Variants in GOLGA8B observed in about 807,000 individuals in gnomAD.
GOLGA8B encodes golgin A8 family member B.
A neutral mutation model predicts 15.6 loss-of-function variants in GOLGA8B; 1 was observed. The ratio of observed to expected loss-of-function variants is 0.06; its 90% CI spans 0.02 to 0.30. The LOEUF (loss-of-function observed/expected upper bound fraction) is 0.30. GOLGA8B is among the 10% of genes least tolerant of loss of function. The probability of loss-of-function intolerance (pLI) is 1.00; values close to 1 mark genes in which losing one functional copy is unlikely to be tolerated. For missense variants in GOLGA8B, 17 were observed against 201.3 expected (o/e 0.08, Z 5.54); for synonymous variants, 9 against 80.3 (o/e 0.11, Z 4.75).
chr15:34,532,940 AG>A lies in GOLGA8B; in HGVS notation c.190del (p.Leu64CysfsTer15), dbSNP rs757917020. 5.2e-6 allele frequency: 5 copies of A among 955,792 alleles called. No individual in the cohort carries two copies. The highest frequency in any genetic ancestry group is 7.6e-6 in the Non-Finnish European group (5 of 654,290). The allele number at this position is 955,792 out of a possible 1,614,324, so 59.2% of individuals were successfully genotyped here. ...SEASSSASSSLHARQSPCQEQ... is the reference protein window; with the variant it reads ...SEASSSASSSXHARQSPCQEQ... ...TTGGCACGGGCTCTGACGCGCATGC[AG>A]AGAGGAGGAGGCGGAGGAGGACTTG... On this transcript the variant is annotated frameshift_variant, in exon 11 of 24. Transcript: ENST00000683415. LOFTEE classifies it high-confidence loss of function.
At chr15:34,564,063 T>C (rs566091873) in intron 1 of GOLGA8B, among the ~76,000 whole-genome samples, 129 of 137,240 alleles carry the variant, frequency 9.4e-4, no homozygotes, top group Non-Finnish European at 2.7e-4. Context: ...TTGCCCCCCA[T>C]GGGATGTCTG....
At chr15:34,564,572 G>A (rs1194649549) in intron 1 of GOLGA8B, among the ~76,000 whole-genome samples, 3 of 146,604 alleles carry the variant, frequency 2.0e-5, no homozygotes, top group Admixed American at 6.7e-5. Flanking sequence ...GATGTTTTCA[G>A]GCTCTGAAGC....
At chr15:34,559,178 G>A (rs1474812145) in intron 1 of GOLGA8B, among the ~76,000 whole-genome samples, 1 of 146,306 alleles carries the variant, frequency 6.8e-6, no homozygotes, top group Non-Finnish European at 1.5e-5. Flanking sequence ...CAAGTACTGT[G>A]TCATTCCACT....
chr15:34,550,710 G>A lies in GOLGA8B; in HGVS notation c.-575+428C>T, dbSNP rs1340679053. 2.6e-4 allele frequency among the ~76,000 whole-genome samples: 26 copies of A among 100,400 alleles called. 11 individuals are homozygous for A. The highest frequency in any genetic ancestry group is 1.9e-3 in the Admixed American group (16 of 8,476). 65.9% of individuals were successfully genotyped at this position (100,400 alleles called of 152,430 possible). A position where few individuals can be genotyped will look rare whatever the true frequency, so the allele number is the denominator to read the frequency against. Reference sequence around the variant, plus strand: ...ACCTTGGGCAAGAGAACATATGACCGTGGCTAGGGACAGTGGCTCATGCCT... The same window carrying A: ...ACCTTGGGCAAGAGAACATATGACCATGGCTAGGGACAGTGGCTCATGCCT... On this transcript the variant is annotated intron_variant, in intron 4 of 23. Transcript: ENST00000683415.
chr15:34,570,461 C>T (rs563346964), intron 1 of GOLGA8B, among the ~76,000 whole-genome samples: 1,770 of 120,950 alleles, frequency 0.015, 63 homozygotes, highest in African/African-American at 0.048. Flanking sequence ...CAGCGGCTGC[C>T]CTGGGGACTG....
At chr15:34,577,507 TACACACACACACACACACACACACAC>T (rs71119972) in intron 1 of GOLGA8B, among the ~76,000 whole-genome samples, 16 of 125,222 alleles carry the variant, frequency 1.3e-4, no homozygotes, top group African/African-American at 1.8e-4. Context: ...TTATATATCA[TACACACACACACACACACACACACAC>T]ACACACACAC....
At chr15:34,570,324 C>A (rs1242378026) in intron 1 of GOLGA8B, among the ~76,000 whole-genome samples, 1 of 147,016 alleles carries the variant, frequency 6.8e-6, no homozygotes, top group Non-Finnish European at 1.5e-5. Context: ...CATGTGACAG[C>A]CCCTGCCAGA....
At chr15:34,576,450 T>G (rs1437854771) in intron 1 of GOLGA8B, among the ~76,000 whole-genome samples, 1 of 152,130 alleles carries the variant, frequency 6.6e-6, no homozygotes, top group African/African-American at 2.4e-5. Flanking sequence ...CTCTCAAAGC[T>G]TCCAACCCAA....
At position 34,525,152 on chromosome 15, in the gene GOLGA8B, ATAC is replaced by A. The variant is rs542551792; in HGVS notation, c.*2477_*2479del. On this transcript the variant is annotated 3_prime_UTR_variant, in exon 24 of 24. Coordinates refer to ENST00000683415, the MANE Select transcript of GOLGA8B (RefSeq NM_001023567.5). Reference sequence around the variant, plus strand: ...TCTTTTAATAAACACTTGCATAGTTATACTACAATTTTGTGAAAATGAAACAGA... The same window carrying A: ...TCTTTTAATAAACACTTGCATAGTTATACAATTTTGTGAAAATGAAACAGA... The A allele has an allele frequency of 5.2e-3, 780 of 150,078 alleles. 54 individuals are homozygous for A. Among genetic ancestry groups the A allele is most frequent in the Middle Eastern group, 0.02 (6 of 294 alleles). The allele number at this position is 150,078 out of a possible 1,614,324, so 9.3% of individuals were successfully genotyped here.
intron 1 of GOLGA8B, among the ~76,000 whole-genome samples, chr15:34,571,701 G>A (rs961387519): frequency 2.6e-5 from 4 of 151,580 alleles, no homozygotes; most frequent in Non-Finnish European, 5.9e-5. Context: ...TAAAAAAATC[G>A]AGACTATCAA....
rs1233760292 is a variant in GOLGA8B at position 34,526,427 on chromosome 15, T to C, written c.*1205A>G. 6.7e-6 allele frequency: 1 copy of C among 148,956 alleles called. No individual in the cohort carries two copies. The highest frequency in any genetic ancestry group is 1.5e-5 in the Non-Finnish European group (1 of 67,174). 9.2% of individuals were successfully genotyped at this position (148,956 alleles called of 1,614,324 possible). ...AAAGAAGTAAATTCCTATGTCAGAG[T>C]AACCGAGGTGGTTGAAGAATAGGTA... is the stretch of plus-strand genomic sequence containing the variant. On this transcript the variant is annotated 3_prime_UTR_variant, in exon 24 of 24. Coordinates refer to ENST00000683415, the MANE Select transcript of GOLGA8B (RefSeq NM_001023567.5).
chr15:34,567,653 G>C (rs1888800792), intron 1 of GOLGA8B, among the ~76,000 whole-genome samples: 1 of 151,664 alleles, frequency 6.6e-6, no homozygotes, highest in Non-Finnish European at 1.5e-5. Flanking sequence ...GCAAGATAAG[G>C]GTTTAAAATT....
chr15:34,579,999 A>C (rs1424154136), intron 1 of GOLGA8B, among the ~76,000 whole-genome samples: 27 of 152,126 alleles, frequency 1.8e-4, no homozygotes, highest in African/African-American at 6.5e-4. Flanking sequence ...ACGCTAATTT[A>C]TGCAGGGCCA....
At chr15:34,579,724 G>A (rs1240065496) in intron 1 of GOLGA8B, among the ~76,000 whole-genome samples, 1 of 152,082 alleles carries the variant, frequency 6.6e-6, no homozygotes, top group Middle Eastern at 3.2e-3. Context: ...TCTGGGACTC[G>A]GGAAAAGGAG....
chr15:34,562,556 C>G (rs1888649307), intron 1 of GOLGA8B, among the ~76,000 whole-genome samples: 1 of 130,048 alleles, frequency 7.7e-6, no homozygotes, highest in Non-Finnish European at 1.8e-5. Context: ...TTTTGATACT[C>G]TTTTGTCCTC....
chr15:34,579,464 G>A (rs1256339387), intron 1 of GOLGA8B, among the ~76,000 whole-genome samples: 1 of 152,184 alleles, frequency 6.6e-6, no homozygotes, highest in Admixed American at 6.5e-5. Context: ...GAGACGCAGC[G>A]CTGACTTTGG....
At position 34,526,068 on chromosome 15, in the gene GOLGA8B, C is replaced by T. The variant is rs1059892; in HGVS notation, c.*1564G>A. The stretch of plus-strand genomic sequence containing the variant: ...ATGATTGAAATGCATTCACTCATCA[C>T]GCATAGGCACAATCACAGAAATATT... On this transcript the variant is annotated 3_prime_UTR_variant, in exon 24 of 24. Transcript: ENST00000683415. 39 of 149,814 alleles carry T rather than the reference C, an allele frequency of 2.6e-4. No homozygotes were observed. The highest frequency in any genetic ancestry group is 8.1e-4 in the Admixed American group (12 of 14,738). The allele number at this position is 149,814 out of a possible 1,614,324, so 9.3% of individuals were successfully genotyped here.
chr15:34,554,344 G>C, intron 1 of GOLGA8B, among the ~76,000 whole-genome samples: 1 of 152,254 alleles, frequency 6.6e-6, no homozygotes, highest in Non-Finnish European at 1.5e-5. Context: ...GCACATGTGT[G>C]CATGTGTGTG....
At chr15:34,553,997 G>A (rs1311207151) in intron 1 of GOLGA8B, 41 bp from the exon 2 acceptor site, 3 of 106,210 alleles carry the variant, frequency 2.8e-5, no homozygotes, top group African/African-American at 1.1e-4. Flanking sequence ...ATTCAGAAAG[G>A]TTTCACATTT....
Sources: gnomAD v4.1 joint callset for allele counts (sites outside exome capture counted in the v4.1 genomes callset) on GRCh38, gnomAD v4.1.1 for gene constraint, MANE v1.5 for transcripts, NCBI Gene and HGNC (gene_info 2026-07-23, HGNC 2026-07-21) for gene names.